Variants in TRIM58 observed in about 807,000 individuals in gnomAD.
The protein encoded by TRIM58 is E3 ubiquitin-protein ligase TRIM58.
TRIM58 carries 38 observed loss-of-function variants against 34.1 expected under a neutral mutation model. The ratio of observed to expected loss-of-function variants is 1.12; its 90% CI spans 0.86 to 1.46. The LOEUF is 1.46. Among genes scored for constraint, TRIM58 ranks in the 40% most tolerant of loss-of-function variants. The probability of loss-of-function intolerance (pLI) is 0.00; values close to 1 mark genes in which losing one functional copy is unlikely to be tolerated. For missense variants in TRIM58, 677 were observed against 642.0 expected, an observed-to-expected ratio of 1.05 and a Z score of -0.59; for synonymous variants, 273 against 275.7, an observed-to-expected ratio of 0.99 and a Z score of 0.10.
chr1:247,876,670 A>G lies in TRIM58; in HGVS notation c.*181A>G. ...AAATATTTGCATATGGGAAGATTAT[A>G]GAGCATAATAATTTTGTAAATGGAG... On this transcript the variant is annotated 3_prime_UTR_variant, in exon 6 of 6. Transcript: ENST00000366481. 1 of 587,312 alleles carries G rather than the reference A, an allele frequency of 1.7e-6. No homozygotes were observed. Among genetic ancestry groups the G allele is most frequent in the Non-Finnish European group, 3.0e-6 (1 of 335,630 alleles). 36.4% of individuals were successfully genotyped at this position (587,312 alleles called of 1,614,324 possible).
At chr1:247,865,140 A>G (rs958834892) in intron 3 of TRIM58, among the ~76,000 whole-genome samples, 1 of 152,208 alleles carries the variant, frequency 6.6e-6, no homozygotes, top group Non-Finnish European at 1.5e-5. Flanking sequence ...AGAGAATCAT[A>G]TAGTTTGAGT....
rs202178608 is a variant in TRIM58 at position 247,861,115 on chromosome 1, A to G, written c.516+403A>G. ...AAGGTGATCATCTTATATACAGGGT[A>G]ATAATCTGAACGTTTAGCCTTTTTT... On this transcript the variant is annotated intron_variant, in intron 2 of 5. Transcript: ENST00000366481. 3.3e-5 allele frequency among the ~76,000 whole-genome samples: 5 copies of G among 152,220 alleles called. No individual in the cohort carries two copies. The East Asian group carries it at 9.6e-4, about 29-fold the overall frequency.
Position 247,868,013 on chromosome 1 carries a change from A to G in TRIM58, c.821A>G (p.Lys274Arg), listed in dbSNP as rs746967497. ...GCAGAGAACATCCCCATGGAACTGA[A>G]GACAGCATGCTGCATCCCTGGGAGG... Reference protein sequence around the residue: ...LEAENIPMELKTACCIPGRRE... With the variant: ...LEAENIPMELRTACCIPGRRE... The change falls in exon 5 of 6, where the codon AAG becomes AGG. Residue 274 changes from lysine to arginine, a missense_variant. Coordinates refer to ENST00000366481, the MANE Select transcript of TRIM58 (RefSeq NM_015431.4). 2.0e-5 allele frequency: 33 copies of G among 1,612,196 alleles called. No homozygotes were observed. Among genetic ancestry groups the G allele is most frequent in the Non-Finnish European group, 2.8e-5 (33 of 1,179,556 alleles).
In TRIM58 at chr1:247,862,125, T is replaced by C. The variant is rs371715088; in HGVS notation, c.516+1413T>C. ...CCTGGGCAACAAGAGTGAAACTCTG[T>C]CTCAGACAAAAAAAGGAAAAAAGAA... On this transcript the variant is annotated intron_variant, in intron 2 of 5. Coordinates refer to ENST00000366481, the MANE Select transcript of TRIM58 (RefSeq NM_015431.4). Among the ~76,000 whole-genome samples, 23 of 151,942 alleles carry C rather than the reference T, an allele frequency of 1.5e-4. No individual in the cohort carries two copies. The East Asian group carries it at 4.1e-3, about 27-fold the overall frequency.
Position 247,864,931 on chromosome 1 carries a change from T to C in TRIM58, c.743T>C (p.Leu248Pro). The change falls in exon 3 of 6, where the codon CTG becomes CCG. Residue 248 changes from leucine to proline, a missense_variant. Transcript: ENST00000366481. ...TGCCAGCGCCCGGCCCTGGGTCTGC[T>C]GGAGGTGAGGCCGGGTGCCAGAAAA... ...ERCQRPALGL[L>P]EGVRGVLSRS... is the part of the protein sequence containing the mutation. The C allele has an allele frequency of 1.3e-6, 2 of 1,570,720 alleles. No homozygotes were observed. Among genetic ancestry groups the C allele is most frequent in the Non-Finnish European group, 1.7e-6 (2 of 1,157,910 alleles).
intron 1 of TRIM58, among the ~76,000 whole-genome samples, chr1:247,858,209 G>A (rs948626896): frequency 6.6e-6 from 1 of 152,158 alleles, no homozygotes; most frequent in Non-Finnish European, 1.5e-5. Context: ...TCCTGAAGTA[G>A]GAGCGGGTGG....
chr1:247,871,089 G>C (rs1659112145), intron 5 of TRIM58, among the ~76,000 whole-genome samples: 1 of 152,180 alleles, frequency 6.6e-6, no homozygotes, highest in Non-Finnish European at 1.5e-5. Flanking sequence ...TCTACATTTG[G>C]TTAGACTATG....
At chr1:247,859,834 AAT>A (rs1663741173) in intron 1 of TRIM58, among the ~76,000 whole-genome samples, 1 of 152,002 alleles carries the variant, frequency 6.6e-6, no homozygotes, top group Non-Finnish European at 1.5e-5. Context: ...AAATATATGA[AAT>A]ATAGAGATAT....
chr1:247,862,771 A>G lies in TRIM58; in HGVS notation c.517-1934A>G, dbSNP rs1180246252. Among the ~76,000 whole-genome samples the G allele has an allele frequency of 2.0e-5, 3 of 152,344 alleles. No homozygotes were observed. In the East Asian group the frequency reaches 5.8e-4, roughly 29 times the overall value. On this transcript the variant is annotated intron_variant, in intron 2 of 5. Transcript: ENST00000366481. ...TTACCATCAAGAATGTCTCCATGTG[A>G]GCCAAATGCAGCAAACACATCTTTG...
chr1:247,857,885 C>T (rs1211023746), intron 1 of TRIM58, among the ~76,000 whole-genome samples: 1 of 152,164 alleles, frequency 6.6e-6, no homozygotes, highest in South Asian at 2.1e-4. Context: ...TATTTTACAC[C>T]GTCCGCCCCT....
intron 1 of TRIM58, 75 bp downstream of exon 1, chr1:247,857,741 C>A: frequency 1.7e-6 from 2 of 1,197,822 alleles, no homozygotes; most frequent in African/African-American, 3.2e-5. Context: ...GCGGAGCCGC[C>A]GAGGCCACCC....
Position 247,860,622 on chromosome 1 carries a change from G to C in TRIM58, c.426G>C (p.Lys142Asn). 3 of 1,613,046 alleles carry C rather than the reference G, an allele frequency of 1.9e-6. No homozygotes were observed. Among genetic ancestry groups the C allele is most frequent in the Non-Finnish European group, 1.7e-6 (2 of 1,179,380 alleles). The change falls in exon 2 of 6, where the codon AAG becomes AAC. Residue 142 changes from lysine to asparagine, a missense_variant. Physicochemically the swap from Lys to Asn is moderately conservative, Grantham distance 94. Transcript: ENST00000366481. ...GCTGAAATGTTCCCAAACAGGTAAA[G>C]CTCCAGATGGCTCTGGAACTTATGA... is the stretch of plus-strand genomic sequence containing the variant. ...LQEAAGSYQV[K>N]LQMALELMRK...
intron 2 of TRIM58, 68 bp from the exon 3 acceptor site, chr1:247,864,637 C>A: frequency 6.5e-7 from 1 of 1,528,426 alleles, no homozygotes; most frequent in Admixed American, 1.9e-5. Context: ...ATTACCTTCT[C>A]CAGCACTGTC....
At position 247,864,816 on chromosome 1, in the gene TRIM58, G is replaced by A. The variant is rs751433911; in HGVS notation, c.628G>A (p.Ala210Thr). 5.0e-6 allele frequency: 8 copies of A among 1,613,782 alleles called. No homozygotes were observed. The highest frequency in any genetic ancestry group is 1.7e-4 in the Middle Eastern group (1 of 5,946). The change falls in exon 3 of 6, where the codon GCG (alanine) becomes ACG (threonine). Residue 210 changes from alanine to threonine, a missense_variant. Physicochemically the swap from Ala to Thr is moderately conservative, Grantham distance 58. Coordinates refer to ENST00000366481, the MANE Select transcript of TRIM58 (RefSeq NM_015431.4). ...QLRRLEAEER[A>T]TLQRLRESKS... ...GAGGCGGCTGGAGGCGGAGGAGCGA[G>A]CGACGCTGCAGAGACTGCGGGAGAG... is the stretch of plus-strand genomic sequence containing the variant.
intron 5 of TRIM58, among the ~76,000 whole-genome samples, chr1:247,871,755 A>G (rs530829171): frequency 2.6e-5 from 4 of 152,358 alleles, no homozygotes; most frequent in Admixed American, 2.0e-4. Context: ...GGAATATATC[A>G]TTCAACAACA....
In TRIM58 at chr1:247,876,251, C is replaced by T; in HGVS notation, c.1223C>T (p.Pro408Leu). Residue 408 changes from proline (P) to leucine (L), a missense_variant, in exon 6 of 6, where the codon CCT becomes CTT. Pro to Leu is a moderately conservative substitution (Grantham distance 98). Transcript: ENST00000366481. ...PSVPLLQLES[P>L]RCIGIFLDYE... ...GTGCCTCTTCTCCAACTGGAAAGTC[C>T]TCGCTGCATTGGGATTTTCTTGGAC... The T allele has an allele frequency of 6.2e-7, 1 of 1,614,212 alleles. No homozygotes were observed. Among genetic ancestry groups the T allele is most frequent in the Non-Finnish European group, 8.5e-7 (1 of 1,180,032 alleles).
intron 3 of TRIM58, among the ~76,000 whole-genome samples, 155 bp downstream of exon 3, chr1:247,865,090 T>C (rs1416327499): frequency 6.6e-6 from 1 of 152,190 alleles, no homozygotes; most frequent in Non-Finnish European, 1.5e-5. Flanking sequence ...CCCTAGAATT[T>C]ACTCAGAAGC....
chr1:247,861,704 T>A (rs1015273062), intron 2 of TRIM58, among the ~76,000 whole-genome samples: 1 of 152,188 alleles, frequency 6.6e-6, no homozygotes, highest in Non-Finnish European at 1.5e-5. Context: ...TTTAGTCTTA[T>A]ACTCTGTCTT....
In TRIM58 at chr1:247,868,078, G is replaced by A. The variant is rs1179735837; in HGVS notation, c.871+15G>A. On this transcript the variant is annotated intron_variant, in intron 5 of 5. Coordinates refer to ENST00000366481, the MANE Select transcript of TRIM58 (RefSeq NM_015431.4). ...GAAGTTCCAAGGTAGTTGCATCTTA[G>A]AGACTGGGAATTAGGCTGCCTGGGG... 2 of 1,588,942 alleles carry A rather than the reference G, an allele frequency of 1.3e-6. No homozygotes were observed. The highest frequency in any genetic ancestry group is 2.2e-5 in the East Asian group (1 of 44,466).
Sources: allele counts gnomAD v4.1 joint callset (sites outside exome capture counted in the v4.1 genomes callset), GRCh38; gene constraint gnomAD v4.1.1; transcripts MANE v1.5; gene names NCBI Gene and HGNC (gene_info 2026-07-23, HGNC 2026-07-21).